Variants in MID1 observed in about 807,000 individuals in gnomAD.
MID1 encodes the protein E3 ubiquitin-protein ligase Midline-1.
In MID1, 7 loss-of-function variants were observed where a neutral mutation model predicts 40.4. The ratio of observed to expected loss-of-function variants is 0.17; its 90% CI spans 0.10 to 0.33. MID1 has a LOEUF of 0.33. Among genes scored for constraint, MID1 ranks in the 10% least tolerant of loss-of-function variants. The pLI, the probability that MID1 is intolerant of heterozygous loss-of-function variation, is 1.00. For missense variants in MID1, 367 were observed against 558.5 expected (o/e 0.66, Z 3.46); for synonymous variants, 229 against 221.2 (o/e 1.04, Z -0.31).
At chrX:10,744,731 C>T (rs1463387075) in intron 1 of MID1, among the ~76,000 whole-genome samples, 1 of 111,206 alleles carries the variant, frequency 9.0e-6, no homozygotes. Context: ...GACGCCACCT[C>T]TCCCTGTCTA....
At chrX:10,749,127 T>A (rs2043581780) in intron 1 of MID1, among the ~76,000 whole-genome samples, 1 of 111,334 alleles carries the variant, frequency 9.0e-6, no homozygotes. Context: ...TCCAACATTG[T>A]CTGAAATTTC....
intron 1 of MID1, among the ~76,000 whole-genome samples, chrX:10,775,716 C>T (rs746439064): frequency 3.6e-5 from 4 of 111,569 alleles, no homozygotes; most frequent in African/African-American, 9.8e-5. Context: ...CCTTGGCCTT[C>T]CTGAAGATCA....
intron 1 of MID1, among the ~76,000 whole-genome samples, chrX:10,629,229 G>T: frequency 9.2e-6 from 1 of 108,781 alleles, no homozygotes; most frequent in African/African-American, 3.4e-5. Context: ...AGACAGTCTT[G>T]CTCTGTCATC....
At position 10,524,401 on chromosome X, in the gene MID1, T is replaced by TAA. The variant is rs112846166; in HGVS notation, c.661-1216_661-1215dup. Reference sequence around the variant, plus strand: ...CTAACACTAATGACAGCTGATGAGCTAAAAAAAAAAATCACAAAACAATCT... The same window carrying TAA: ...CTAACACTAATGACAGCTGATGAGCTAAAAAAAAAAAAATCACAAAACAATCT... On this transcript the variant is annotated intron_variant, in intron 2 of 9. Coordinates refer to ENST00000317552, the MANE Select transcript of MID1 (RefSeq NM_000381.4). Among the ~76,000 whole-genome samples the TAA allele has an allele frequency of 3.4e-3, 360 of 105,797 alleles. 1 individual carries two copies. Among genetic ancestry groups the TAA allele is most frequent in the Middle Eastern group, 0.015 (3 of 206 alleles). 91.9% of individuals were successfully genotyped at this position (105,797 alleles called of 115,157 possible). A position where few individuals can be genotyped will look rare whatever the true frequency, so the allele number is the denominator to read the frequency against.
At chrX:10,565,365 G>A (rs1340517346) in intron 2 of MID1, 3 of 329,148 alleles carry the variant, frequency 9.1e-6, no homozygotes, top group Non-Finnish European at 1.8e-5. Context: ...CCCTCAACAT[G>A]TCAAGAAATA....
chrX:10,636,467 T>C (rs1031170834), intron 1 of MID1, among the ~76,000 whole-genome samples: 1 of 109,720 alleles, frequency 9.1e-6, no homozygotes, highest in African/African-American at 3.3e-5. Context: ...TTCAAAGCAA[T>C]GGAAACAAAA....
chrX:10,787,459 C>G lies in MID1; in HGVS notation c.-187+46095G>C, dbSNP rs868449659. On this transcript the variant is annotated intron_variant, in intron 1 of 10. Transcript: ENST00000380785. ...AAGAATTATTTTAAGAAAATTAAAACCACTCTCTTTTCTTTTGTTTTTTCT... is the reference window on the plus strand; with the variant it reads ...AAGAATTATTTTAAGAAAATTAAAAGCACTCTCTTTTCTTTTGTTTTTTCT... 1.1e-3 allele frequency among the ~76,000 whole-genome samples: 98 copies of G among 92,039 alleles called. 1 individual carries two copies. Among genetic ancestry groups the G allele is most frequent in the South Asian group, 1.8e-3 (3 of 1,678 alleles). The allele number at this position is 92,039 out of a possible 115,157, so 79.9% of individuals were successfully genotyped here.
intron 1 of MID1, among the ~76,000 whole-genome samples, chrX:10,699,873 A>G (rs2043184580): frequency 9.6e-6 from 1 of 104,707 alleles, no homozygotes. Flanking sequence ...CCCAGGTTGG[A>G]GTGCAATGGG....
At chrX:10,530,524 T>G (rs1932934199) in intron 2 of MID1, among the ~76,000 whole-genome samples, 1 of 112,444 alleles carries the variant, frequency 8.9e-6, no homozygotes, top group Non-Finnish European at 1.9e-5. Context: ...ACATACTTTA[T>G]GCAAAAAGGG....
intron 2 of MID1, among the ~76,000 whole-genome samples, chrX:10,548,847 ATATTCAAATTTACTCAGATG>A (rs1263075230): frequency 8.9e-6 from 1 of 112,300 alleles, no homozygotes; most frequent in Non-Finnish European, 1.9e-5. Flanking sequence ...GATATAATTC[ATATTCAAATTTACTCAGATG>A]TATTCAAAAG....
upstream of MID1, among the ~76,000 whole-genome samples, chrX:10,621,875 T>A (rs1441408118): frequency 9.4e-6 from 1 of 105,953 alleles, no homozygotes; most frequent in East Asian, 2.9e-4. Flanking sequence ...TTGGGCAGGA[T>A]AATTCTTTGT....
intron 1 of MID1, among the ~76,000 whole-genome samples, chrX:10,579,699 G>A (rs925246418): frequency 9.0e-6 from 1 of 111,022 alleles, no homozygotes; most frequent in Non-Finnish European, 1.9e-5. Context: ...TAAGGAAAAC[G>A]AACCCTTATT....
At chrX:10,695,364 C>T (rs908907900) in intron 1 of MID1, among the ~76,000 whole-genome samples, 14 of 111,553 alleles carry the variant, frequency 1.3e-4, no homozygotes, top group South Asian at 3.8e-4. Flanking sequence ...TGGGCTCAAG[C>T]GACCCACCTG....
chrX:10,457,160 G>A (rs777043509), intron 8 of MID1, among the ~76,000 whole-genome samples: 14 of 111,876 alleles, frequency 1.3e-4, no homozygotes, highest in Non-Finnish European at 2.1e-4. Context: ...CCTTAATGGC[G>A]CCCATCATTT....
At chrX:10,469,194 C>T (rs764968127) in intron 7 of MID1, 31 of 252,477 alleles carry the variant, frequency 1.2e-4, no homozygotes, top group African/African-American at 9.1e-4. Context: ...GCCTCAGCCT[C>T]CTGAGTAGTT....
At position 10,609,941 on chromosome X, in the gene MID1, T is replaced by A. The variant is rs1419075500; in HGVS notation, c.-57+10349A>T. On this transcript the variant is annotated intron_variant, in intron 1 of 9. Transcript: ENST00000317552. ...CACCGTGTTAGCCAGGATGGTCTCG[T>A]TCTCCTGACCTCGTGATCCGCCCGC... 2.7e-5 allele frequency among the ~76,000 whole-genome samples: 3 copies of A among 110,884 alleles called. No individual in the cohort carries two copies. In the Admixed American group the frequency reaches 2.9e-4, roughly 11 times the overall value.
At chrX:10,769,390 A>G (rs372080565) in intron 1 of MID1, among the ~76,000 whole-genome samples, 2 of 111,646 alleles carry the variant, frequency 1.8e-5, no homozygotes, top group African/African-American at 3.3e-5. Flanking sequence ...GTGTTATTCA[A>G]TCAGGGCCAC....
At chrX:10,603,560 G>T (rs1365806051) in intron 1 of MID1, among the ~76,000 whole-genome samples, 1 of 111,679 alleles carries the variant, frequency 9.0e-6, no homozygotes, top group Non-Finnish European at 1.9e-5. Context: ...GATCCTAAAG[G>T]ATAGAGTCCA....
intron 5 of MID1, among the ~76,000 whole-genome samples, chrX:10,476,339 A>T (rs1228378546): frequency 9.1e-6 from 1 of 110,484 alleles, no homozygotes; most frequent in Non-Finnish European, 1.9e-5. Context: ...ATGCCACTGA[A>T]TCGTGCATTC....
Sources: allele counts gnomAD v4.1 joint callset (sites outside exome capture counted in the v4.1 genomes callset), GRCh38; gene constraint gnomAD v4.1.1; transcripts MANE v1.5; gene names NCBI Gene and HGNC (gene_info 2026-07-23, HGNC 2026-07-21).